Variants in ESF1 observed in about 807,000 individuals in gnomAD.
The protein encoded by ESF1 is ESF1 nucleolar pre-rRNA processing protein.
ESF1 carries 58 observed loss-of-function variants against 92.0 expected under a neutral mutation model. The observed-to-expected ratio is 0.63, with a 90% CI of 0.51 to 0.78. The LOEUF (loss-of-function observed/expected upper bound fraction) is 0.78. Ranked by LOEUF, ESF1 falls within the 30% of genes least tolerant of loss-of-function variation. The pLI is 0.00. For missense variants in ESF1, 922 were observed against 989.1 expected (o/e 0.93, Z 0.91); for synonymous variants, 321 against 313.7 (o/e 1.02, Z -0.24).
chr20:13,774,542 C>T (rs1979837138), intron 4 of ESF1, among the ~76,000 whole-genome samples: 1 of 152,146 alleles, frequency 6.6e-6, no homozygotes, highest in South Asian at 2.1e-4. Flanking sequence ...CTTACAATCA[C>T]CAATACTATT....
intron 4 of ESF1, among the ~76,000 whole-genome samples, chr20:13,773,448 G>A (rs1261587934): frequency 1.3e-5 from 2 of 151,896 alleles, no homozygotes; most frequent in African/African-American, 2.4e-5. Context: ...AAAACACAGG[G>A]TTTTTAAATT....
Position 13,776,024 on chromosome 20 carries a change from T to C in ESF1, c.884A>G (p.Lys295Arg). The stretch of plus-strand genomic sequence containing the variant: ...TGCAAGATCAGGGCCACTGTCACTT[T>C]TATCATCATCCTCACTATCCTCATC... ...DEDEDSEDDD[K>R]SDSGPDLARG... Residue 295 changes from lysine to arginine, a missense_variant, in exon 3 of 14, where the codon AAA becomes AGA. Coordinates refer to ENST00000617257, the MANE Select transcript of ESF1 (RefSeq NM_001276380.2). 1 of 1,614,010 alleles carries C rather than the reference T, an allele frequency of 6.2e-7. No homozygotes were observed. The highest frequency in any genetic ancestry group is 8.5e-7 in the Non-Finnish European group (1 of 1,179,930).
chr20:13,751,269 T>C (rs1978621638), intron 9 of ESF1, among the ~76,000 whole-genome samples: 1 of 152,146 alleles, frequency 6.6e-6, no homozygotes, highest in South Asian at 2.1e-4. Context: ...CAACCACAAA[T>C]AGAATAGCGA....
intron 13 of ESF1, among the ~76,000 whole-genome samples, chr20:13,716,243 T>C (rs999859983): frequency 1.3e-5 from 2 of 152,150 alleles, no homozygotes; most frequent in African/African-American, 4.8e-5. Flanking sequence ...AGATTTTTGG[T>C]AGACGGCTCA....
At position 13,776,175 on chromosome 20, in the gene ESF1, T is replaced by G. The variant is rs1406729368; in HGVS notation, c.733A>C (p.Ser245Arg). Residue 245 changes from serine (S) to arginine (R), a missense_variant, in exon 3 of 14, where the codon AGC becomes CGC. Transcript: ENST00000617257. ...DKDALEEDSE[S>R]VSEIGSDEES... ...TCATCACTTCCTATTTCACTAACGC[T>G]TTCTGAATCTTCCTCCAGAGCATCT... 18 of 1,613,860 alleles carry G rather than the reference T, an allele frequency of 1.1e-5. No homozygotes were observed. The highest frequency in any genetic ancestry group is 1.5e-5 in the Non-Finnish European group (18 of 1,179,944).
chr20:13,774,110 G>T (rs912358461), intron 4 of ESF1, among the ~76,000 whole-genome samples: 1 of 151,464 alleles, frequency 6.6e-6, no homozygotes, highest in African/African-American at 2.4e-5. Flanking sequence ...AAAAAAAATA[G>T]TTTATTAGCT....
chr20:13,773,717 GGTGA>G (rs915926739), intron 4 of ESF1, among the ~76,000 whole-genome samples: 1 of 152,076 alleles, frequency 6.6e-6, no homozygotes, highest in African/African-American at 2.4e-5. Flanking sequence ...TAACTTGTAG[GGTGA>G]GTTTTTACAC....
Position 13,766,896 on chromosome 20 carries a change from T to C in ESF1, c.1547A>G (p.His516Arg). 1.9e-6 allele frequency: 3 copies of C among 1,613,672 alleles called. No individual in the cohort carries two copies. Among genetic ancestry groups the C allele is most frequent in the Non-Finnish European group, 1.7e-6 (2 of 1,179,914 alleles). The change falls in exon 8 of 14, where the codon CAT (histidine) becomes CGT (arginine). Residue 516 changes from histidine (H) to arginine (R), a missense_variant. His to Arg is a conservative substitution (Grantham distance 29). Coordinates refer to ENST00000617257, the MANE Select transcript of ESF1 (RefSeq NM_001276380.2). ...CCTGTTGAGCATTGTAATTCTTTCATGATCAGTCTCATCCCAAGTGATTTC... is the reference window on the plus strand; with the variant it reads ...CCTGTTGAGCATTGTAATTCTTTCACGATCAGTCTCATCCCAAGTGATTTC... Reference protein sequence around the residue: ...TVEITWDETDHERITMLNRKF... With the variant: ...TVEITWDETDRERITMLNRKF...
intron 8 of ESF1, among the ~76,000 whole-genome samples, chr20:13,761,901 T>A (rs1010073660): frequency 6.6e-6 from 1 of 152,210 alleles, no homozygotes; most frequent in African/African-American, 2.4e-5. Context: ...ACTTATTGAA[T>A]TGACTGTCTC....
At chr20:13,741,237 T>A (rs2050011659) in intron 9 of ESF1, among the ~76,000 whole-genome samples, 1 of 152,168 alleles carries the variant, frequency 6.6e-6, no homozygotes, top group South Asian at 2.1e-4. Context: ...TCTCATTATA[T>A]CTCTGAGCAT....
At chr20:13,716,319 T>C (rs138796359) in intron 13 of ESF1, among the ~76,000 whole-genome samples, 37 of 152,136 alleles carry the variant, frequency 2.4e-4, no homozygotes, top group African/African-American at 7.2e-4. Flanking sequence ...GAAGGAGTAA[T>C]GGAAACAAAA....
chr20:13,742,206 A>G (rs1385668456), intron 9 of ESF1, among the ~76,000 whole-genome samples: 1 of 152,144 alleles, frequency 6.6e-6, no homozygotes, highest in Non-Finnish European at 1.5e-5. Flanking sequence ...GTCTCTACTA[A>G]AAATACAAAA....
At chr20:13,728,806 G>A (rs2049920885) in intron 10 of ESF1, among the ~76,000 whole-genome samples, 1 of 151,962 alleles carries the variant, frequency 6.6e-6, no homozygotes, top group African/African-American at 2.4e-5. Context: ...GGAAGAGGTT[G>A]TGGTGAGCCG....
chr20:13,759,562 G>T, intron 9 of ESF1, 130 bp downstream of exon 9: 2 of 1,206,864 alleles, frequency 1.7e-6, no homozygotes, highest in South Asian at 3.6e-5. Context: ...TAGTCATTAA[G>T]TTAGTTAAAT....
chr20:13,770,806 G>C (rs1366768588), intron 6 of ESF1, among the ~76,000 whole-genome samples: 1 of 152,210 alleles, frequency 6.6e-6, no homozygotes, highest in Non-Finnish European at 1.5e-5. Flanking sequence ...ATTTAGAGCA[G>C]TGTTGTCCAA....
chr20:13,754,569 A>G (rs1193117376), intron 9 of ESF1, among the ~76,000 whole-genome samples: 1 of 152,082 alleles, frequency 6.6e-6, no homozygotes. Flanking sequence ...CTTGAACTTA[A>G]TGTATGAAAA....
At chr20:13,774,982 T>C (rs1214403432) in intron 4 of ESF1, among the ~76,000 whole-genome samples, 175 bp downstream of exon 4, 1 of 152,080 alleles carries the variant, frequency 6.6e-6, no homozygotes, top group Non-Finnish European at 1.5e-5. Context: ...AATAATAATT[T>C]CACCTCTTCC....
intron 2 of ESF1, among the ~76,000 whole-genome samples, chr20:13,777,012 C>T (rs1440219169): frequency 6.6e-6 from 1 of 152,182 alleles, no homozygotes; most frequent in Non-Finnish European, 1.5e-5. Context: ...TGGGAAGACA[C>T]TGCTGTTTTC....
At position 13,714,398 on chromosome 20, in the gene ESF1, T is replaced by C. The variant is rs1204392127; in HGVS notation, c.*476A>G. ...TTAACATGACTAAACAACAAAAAGT[T>C]CTTGACTTCCATCCTTTATGGCTAG... On this transcript the variant is annotated 3_prime_UTR_variant, in exon 14 of 14. Coordinates refer to ENST00000617257, the MANE Select transcript of ESF1 (RefSeq NM_001276380.2). The C allele has an allele frequency of 1.3e-5, 2 of 152,324 alleles. No homozygotes were observed. The highest frequency in any genetic ancestry group is 1.3e-4 in the Admixed American group (2 of 15,278). The allele number at this position is 152,324 out of a possible 1,614,324, so 9.4% of individuals were successfully genotyped here. A position where few individuals can be genotyped will look rare whatever the true frequency, so the allele number is the denominator to read the frequency against.
Sources: gnomAD v4.1 joint callset for allele counts (sites outside exome capture counted in the v4.1 genomes callset) on GRCh38, gnomAD v4.1.1 for gene constraint, MANE v1.5 for transcripts, NCBI Gene and HGNC (gene_info 2026-07-23, HGNC 2026-07-21) for gene names.